Variants in OTOGL observed in about 807,000 individuals in gnomAD.
OTOGL encodes otogelin-like protein.
A neutral mutation model predicts 318.5 loss-of-function variants in OTOGL; 285 were observed. The observed-to-expected ratio is 0.89, with a 90% CI of 0.81 to 0.99. The LOEUF (loss-of-function observed/expected upper bound fraction) is 0.99, where lower values mean the gene tolerates loss of function less well. Among genes scored for constraint, OTOGL ranks in the 50% least tolerant of loss-of-function variants. The probability of loss-of-function intolerance (pLI) is 0.00; values close to 1 mark genes in which losing one functional copy is unlikely to be tolerated. For missense variants in OTOGL, 2,899 were observed against 2,845.6 expected, an observed-to-expected ratio of 1.02 and a Z score of -0.43; for synonymous variants, 987 against 936.5, an observed-to-expected ratio of 1.05 and a Z score of -0.99.
chr12:80,216,081 G>A (rs943797126), intron 4 of OTOGL, among the ~76,000 whole-genome samples: 3 of 152,122 alleles, frequency 2.0e-5, no homozygotes, highest in South Asian at 4.2e-4. Context: ...TCAGGAGGCC[G>A]AGGCAGGAGG....
At chr12:80,277,736 C>G (rs1174312859) in intron 24 of OTOGL, among the ~76,000 whole-genome samples, 1 of 151,518 alleles carries the variant, frequency 6.6e-6, no homozygotes, top group African/African-American at 2.4e-5. Context: ...TGATTACTCT[C>G]TATATCTTGT....
At chr12:80,318,913 C>CAT (rs1264332235) in intron 33 of OTOGL, among the ~76,000 whole-genome samples, 200 bp downstream of exon 33, 2 of 151,852 alleles carry the variant, frequency 1.3e-5, no homozygotes, top group African/African-American at 4.8e-5. Context: ...TATTTATTGG[C>CAT]ATATATATAT....
chr12:80,373,754 C>T (rs1352417357), intron 57 of OTOGL, among the ~76,000 whole-genome samples: 2 of 151,810 alleles, frequency 1.3e-5, no homozygotes, highest in East Asian at 1.9e-4. Context: ...TGATTTTCCA[C>T]TTAGTGGCGT....
At chr12:80,207,528 C>T (rs1455758473) in intron 1 of OTOGL, among the ~76,000 whole-genome samples, 1 of 151,952 alleles carries the variant, frequency 6.6e-6, no homozygotes, top group Admixed American at 6.6e-5. Flanking sequence ...ATTTTTAAGT[C>T]AAGCAAAAAG....
At chr12:80,105,773 T>C (rs1331824490) in intron 1 of OTOGL, among the ~76,000 whole-genome samples, 1 of 152,158 alleles carries the variant, frequency 6.6e-6, no homozygotes, top group African/African-American at 2.4e-5. Flanking sequence ...TAAATTGGTA[T>C]CCCCGGCATG....
chr12:80,200,596 G>A (rs568403073), intron 1 of OTOGL, among the ~76,000 whole-genome samples: 1 of 152,302 alleles, frequency 6.6e-6, no homozygotes, highest in African/African-American at 2.4e-5. Flanking sequence ...GACCTGTGGA[G>A]GGCAATGCTT....
chr12:80,334,085 G>A (rs946077806), intron 38 of OTOGL, among the ~76,000 whole-genome samples: 19 of 152,254 alleles, frequency 1.2e-4, no homozygotes, highest in African/African-American at 4.6e-4. Context: ...CTGGTATATT[G>A]TGGGTAAGGT....
At chr12:80,250,287 T>A (rs1327742950) in intron 11 of OTOGL, among the ~76,000 whole-genome samples, 3 of 152,188 alleles carry the variant, frequency 2.0e-5, no homozygotes, top group African/African-American at 7.2e-5. Context: ...AATTATAATT[T>A]TTTTCTTGAT....
chr12:80,141,925 A>C (rs1871971795), intron 1 of OTOGL, among the ~76,000 whole-genome samples: 1 of 152,016 alleles, frequency 6.6e-6, no homozygotes, highest in South Asian at 2.1e-4. Flanking sequence ...CCTCATGGCC[A>C]CTCTGAGAAT....
At position 80,358,232 on chromosome 12, in the gene OTOGL, T is replaced by G. The variant is rs1420930164; in HGVS notation, c.6020-16T>G. ...TTTAGCTCAGCTGTGATTTTTGGCTTCTTGTTTTACCTTAGTTTGTGAATC... is the reference window on the plus strand; with the variant it reads ...TTTAGCTCAGCTGTGATTTTTGGCTGCTTGTTTTACCTTAGTTTGTGAATC... On this transcript the variant is annotated splice_polypyrimidine_tract_variant and intron_variant, in intron 49 of 58. Coordinates refer to ENST00000547103, the MANE Select transcript of OTOGL (RefSeq NM_001378609.3). The G allele has an allele frequency of 6.3e-7, 1 of 1,580,054 alleles. No homozygotes were observed. The highest frequency in any genetic ancestry group is 8.7e-7 in the Non-Finnish European group (1 of 1,151,938).
chr12:80,105,432 C>T (rs564122009), intron 1 of OTOGL, among the ~76,000 whole-genome samples: 68 of 152,260 alleles, frequency 4.5e-4, no homozygotes, highest in African/African-American at 1.5e-3. Flanking sequence ...ATCCTAGCTA[C>T]ATTTCTGAAA....
intron 26 of OTOGL, among the ~76,000 whole-genome samples, chr12:80,289,855 G>C (rs1016011163): frequency 1.3e-5 from 2 of 152,186 alleles, no homozygotes; most frequent in African/African-American, 4.8e-5. Flanking sequence ...GACCCGCTGA[G>C]TGAGACCACT....
intron 1 of OTOGL, among the ~76,000 whole-genome samples, chr12:80,135,968 G>T (rs572707654): frequency 1.3e-5 from 2 of 152,286 alleles, no homozygotes; most frequent in South Asian, 4.1e-4. Flanking sequence ...GACTCAAACT[G>T]GGATATTGGC....
chr12:80,254,523 G>T lies in OTOGL; in HGVS notation c.1395-1G>T. On this transcript the variant is annotated splice_acceptor_variant, in intron 14 of 58. Coordinates refer to ENST00000547103, the MANE Select transcript of OTOGL (RefSeq NM_001378609.3). LOFTEE classifies it high-confidence loss of function. ...ATTAATATTTTTATAATTTCTTTTAGTGTGTGTGTTGGTGGAGTTTGGAAC... is the reference window on the plus strand; with the variant it reads ...ATTAATATTTTTATAATTTCTTTTATTGTGTGTGTTGGTGGAGTTTGGAAC... 1.2e-6 allele frequency: 2 copies of T among 1,601,390 alleles called. No individual in the cohort carries two copies. The highest frequency in any genetic ancestry group is 1.7e-6 in the Non-Finnish European group (2 of 1,170,858).
intron 43 of OTOGL, 29 bp downstream of exon 43, chr12:80,339,293 CGTCTG>C: frequency 1.9e-6 from 1 of 527,480 alleles, no homozygotes; most frequent in Non-Finnish European, 2.9e-6. Context: ...ATCTTGATTT[CGTCTG>C]TTTTTTTTTT....
intron 26 of OTOGL, among the ~76,000 whole-genome samples, chr12:80,293,012 C>G (rs560447893): frequency 6.6e-6 from 1 of 152,198 alleles, no homozygotes; most frequent in East Asian, 1.9e-4. Flanking sequence ...GCTTAAAACA[C>G]TTGATATTGC....
intron 1 of OTOGL, among the ~76,000 whole-genome samples, chr12:80,193,090 A>G (rs1875811555): frequency 6.6e-6 from 1 of 152,196 alleles, no homozygotes; most frequent in African/African-American, 2.4e-5. Context: ...AGTCCCTTCA[A>G]TTGGACAATA....
chr12:80,368,555 A>T (rs1011822001), intron 55 of OTOGL, among the ~76,000 whole-genome samples: 3 of 152,060 alleles, frequency 2.0e-5, no homozygotes, highest in African/African-American at 7.2e-5. Flanking sequence ...TTTTTTCTAG[A>T]TGTAAGAAAT....
intron 1 of OTOGL, among the ~76,000 whole-genome samples, chr12:80,133,073 A>G (rs1257116763): frequency 6.6e-6 from 1 of 152,132 alleles, no homozygotes; most frequent in African/African-American, 2.4e-5. Flanking sequence ...ACTAAATTTA[A>G]TTATTTTTAA....
Sources: gnomAD v4.1 joint callset for allele counts (sites outside exome capture counted in the v4.1 genomes callset) on GRCh38, gnomAD v4.1.1 for gene constraint, MANE v1.5 for transcripts, NCBI Gene and HGNC (gene_info 2026-07-23, HGNC 2026-07-21) for gene names.